RBFOX3: variants seen among roughly 807,000 people sequenced by gnomAD.
RBFOX3 encodes RNA binding protein fox-1 homolog 3.
In RBFOX3, 17 loss-of-function variants were observed where a neutral mutation model predicts 48.7. The ratio of observed to expected loss-of-function variants is 0.35; its 90% confidence interval spans 0.24 to 0.52. The LOEUF (loss-of-function observed/expected upper bound fraction) is 0.52, where lower values mean the gene tolerates loss of function less well. Among genes scored for constraint, RBFOX3 ranks in the 20% least tolerant of loss-of-function variants. RBFOX3 has a pLI of 0.94. For synonymous variants in RBFOX3, 212 were observed against 209.5 expected, an observed-to-expected ratio of 1.01 and a Z score of -0.10; for missense variants, 382 against 497.5, an observed-to-expected ratio of 0.77 and a Z score of 2.21.
the RBFOX3 span, among the ~76,000 whole-genome samples, chr17:79,656,838 GAAAGA>G: frequency 1.8e-5 from 2 of 109,084 alleles, no homozygotes; most frequent in Admixed American, 9.8e-5. Flanking sequence ...AGAAAAGAAA[GAAAGA>G]AAAGAAAAGA....
intron 1 of RBFOX3, among the ~76,000 whole-genome samples, chr17:79,540,750 C>T (rs555106914): frequency 6.6e-6 from 1 of 152,238 alleles, no homozygotes; most frequent in African/African-American, 2.4e-5. Context: ...AGCTTCAGTG[C>T]CCCCATCTGT....
At chr17:79,662,107 G>A in the RBFOX3 span, among the ~76,000 whole-genome samples, 1 of 141,476 alleles carries the variant, frequency 7.1e-6, no homozygotes, top group Non-Finnish European at 1.5e-5. Flanking sequence ...ACAGTGTGAG[G>A]TAGGGATCAA....
intron 4 of RBFOX3, among the ~76,000 whole-genome samples, chr17:79,218,460 A>C (rs2059331203): frequency 6.6e-6 from 1 of 152,190 alleles, no homozygotes; most frequent in Non-Finnish European, 1.5e-5. Flanking sequence ...TGGAAGGTCC[A>C]GCAAAGGAGC....
At chr17:79,241,417 T>C (rs1465701406) in intron 3 of RBFOX3, among the ~76,000 whole-genome samples, 1 of 152,078 alleles carries the variant, frequency 6.6e-6, no homozygotes, top group Non-Finnish European at 1.5e-5. Flanking sequence ...CTTAACTCCA[T>C]TGGCAAGGAC....
intron 2 of RBFOX3, among the ~76,000 whole-genome samples, chr17:79,450,826 A>T (rs1339337974): frequency 2.6e-5 from 4 of 152,252 alleles, no homozygotes; most frequent in African/African-American, 9.6e-5. Flanking sequence ...TGCTGTTTGC[A>T]TGCATAACAA....
At chr17:79,476,477 A>G (rs778029119) in intron 2 of RBFOX3, among the ~76,000 whole-genome samples, 4 of 152,270 alleles carry the variant, frequency 2.6e-5, no homozygotes, top group South Asian at 4.1e-4. Context: ...CAGATGGGAC[A>G]AAATATCACA....
intron 9 of RBFOX3, chr17:79,100,207 T>C (rs2076158988): frequency 6.6e-6 from 1 of 152,296 alleles, no homozygotes; most frequent in Non-Finnish European, 1.5e-5. Flanking sequence ...GCGGTGGGTG[T>C]GGCCCTTGGG....
rs1177407087 is a variant in RBFOX3 at position 79,390,020 on chromosome 17, AGCCTCCAGGTCTCCG to A, written c.-174-82211_-174-82197del. On this transcript the variant is annotated intron_variant, in intron 2 of 14. Coordinates refer to ENST00000693108, the MANE Select transcript of RBFOX3 (RefSeq NM_001350451.2). The surrounding 1 kb of genome is among the most constrained non-coding windows in gnomAD (Gnocchi z 4.2). ...GTCTCCGCAGCCTCCAGGTCTCCGC[AGCCTCCAGGTCTCCG>A]TAGCCTCCAGGTCTCCGCAGCCGCC... 1.3e-4 allele frequency among the ~76,000 whole-genome samples: 17 copies of A among 130,514 alleles called. 1 individual carries two copies. In the East Asian group the frequency reaches 1.6e-3, roughly 12 times the overall value. 85.6% of individuals were successfully genotyped at this position (130,514 alleles called of 152,430 possible).
intron 3 of RBFOX3, among the ~76,000 whole-genome samples, chr17:79,263,305 C>A (rs2066112809): frequency 6.6e-6 from 1 of 152,244 alleles, no homozygotes; most frequent in Non-Finnish European, 1.5e-5. Context: ...GGGAAGGTGG[C>A]CAGCACTTTT....
intron 2 of RBFOX3, among the ~76,000 whole-genome samples, chr17:79,357,282 A>C (rs1022404016): frequency 2.6e-5 from 4 of 152,226 alleles, no homozygotes; most frequent in African/African-American, 9.6e-5. Flanking sequence ...AAAACGAAAC[A>C]AAACAAACAC....
At position 79,106,777 on chromosome 17, in the gene RBFOX3, C is replaced by T. The variant is rs1432352013; in HGVS notation, c.234G>A (p.Glu78=). 6.6e-7 allele frequency: 1 copy of T among 1,520,994 alleles called. No homozygotes were observed. Among genetic ancestry groups the T allele is most frequent in the Non-Finnish European group, 8.8e-7 (1 of 1,135,434 alleles). The allele number at this position is 1,520,994 out of a possible 1,614,324, so 94.2% of individuals were successfully genotyped here. ...AGTQTVPQTD[E]AAQTDSQPLH... is the part of the protein sequence containing the mutation. ...GCGGCTGGCTGTCCGTCTGTGCCGC[C>T]TCGTCTGTCTGCTGCAGGGAGAGGA... is the stretch of plus-strand genomic sequence containing the variant. The change falls in exon 6 of 15, where the codon GAG becomes GAA. Residue 78 remains glutamate, a synonymous_variant. Transcript: ENST00000693108.
At chr17:79,543,095 G>A (rs1321793651) in intron 1 of RBFOX3, among the ~76,000 whole-genome samples, 5 of 152,022 alleles carry the variant, frequency 3.3e-5, no homozygotes, top group African/African-American at 1.2e-4. Flanking sequence ...ACAACCATTT[G>A]GCCACATGTA....
intron 3 of RBFOX3, among the ~76,000 whole-genome samples, chr17:79,296,612 G>A (rs887743038): frequency 7.2e-5 from 11 of 152,132 alleles, no homozygotes; most frequent in African/African-American, 2.7e-4. Flanking sequence ...CCTCCAGCCT[G>A]GGAGGTTTGC....
At chr17:79,273,853 G>A (rs1270512298) in intron 3 of RBFOX3, among the ~76,000 whole-genome samples, 1 of 152,208 alleles carries the variant, frequency 6.6e-6, no homozygotes, top group Non-Finnish European at 1.5e-5. Flanking sequence ...TTGCAGGGGG[G>A]AAGGAGGAAC....
intron 4 of RBFOX3, among the ~76,000 whole-genome samples, chr17:79,137,304 T>C (rs1409915320): frequency 6.6e-6 from 1 of 151,690 alleles, no homozygotes; most frequent in East Asian, 1.9e-4. Context: ...TGTACACGTG[T>C]ACACACACAC....
At chr17:79,338,815 C>T (rs1468711248) in intron 2 of RBFOX3, among the ~76,000 whole-genome samples, 1 of 152,110 alleles carries the variant, frequency 6.6e-6, no homozygotes, top group East Asian at 1.9e-4. Context: ...CCTTGTTAGC[C>T]CTGGAGACAA....
At chr17:79,397,489 T>TC (rs35005433) in intron 2 of RBFOX3, among the ~76,000 whole-genome samples, 4,760 of 106,856 alleles carry the variant, frequency 0.045, 237 homozygotes, top group African/African-American at 0.12. Context: ...GAGGACTCCA[T>TC]CCCCAAAAAA....
intron 2 of RBFOX3, among the ~76,000 whole-genome samples, chr17:79,314,977 G>T (rs1263227267): frequency 6.6e-6 from 1 of 152,036 alleles, no homozygotes; most frequent in Non-Finnish European, 1.5e-5. Context: ...GGTAGAGGAG[G>T]ATAGATATTT....
At chr17:79,552,252 T>C (rs2091223569) in intron 1 of RBFOX3, among the ~76,000 whole-genome samples, 1 of 152,206 alleles carries the variant, frequency 6.6e-6, no homozygotes, top group African/African-American at 2.4e-5. Flanking sequence ...TATTGAAACC[T>C]TACTATAGGC....
Sources: gnomAD v4.1 joint callset for allele counts (sites outside exome capture counted in the v4.1 genomes callset) on GRCh38, gnomAD v4.1.1 for gene constraint, Gnocchi (gnomAD v3.1) non-coding constraint, MANE v1.5 for transcripts, NCBI Gene and HGNC (gene_info 2026-07-23, HGNC 2026-07-21) for gene names.